CCDC30: variants seen among roughly 807,000 people sequenced by gnomAD.
CCDC30 encodes the protein coiled-coil domain-containing protein 30.
A neutral mutation model predicts 100.2 loss-of-function variants in CCDC30; 70 were observed. The ratio of observed to expected loss-of-function variants is 0.70; its 90% CI spans 0.58 to 0.85. The LOEUF (loss-of-function observed/expected upper bound fraction) is 0.85, where lower values mean the gene tolerates loss of function less well. Among genes scored for constraint, CCDC30 ranks in the 40% least tolerant of loss-of-function variants. The pLI is 0.00. For missense variants in CCDC30, 652 were observed against 771.2 expected, an observed-to-expected ratio of 0.85 and a Z score of 1.83; for synonymous variants, 233 against 269.5, an observed-to-expected ratio of 0.86 and a Z score of 1.33.
intron 10 of CCDC30, among the ~76,000 whole-genome samples, chr1:42,607,583 G>A (rs1448675755): frequency 2.0e-5 from 3 of 150,694 alleles, no homozygotes; most frequent in African/African-American, 7.3e-5. Flanking sequence ...AGAAAGGAAG[G>A]AAGAAAATCA....
chr1:42,491,891 G>A (rs1011605002), intron 4 of CCDC30: 1 of 453,126 alleles, frequency 2.2e-6, no homozygotes, highest in African/African-American at 2.0e-5. Flanking sequence ...TAGTCACCAG[G>A]ACTCGAGGAA....
At chr1:42,526,157 G>C (rs1644721380) in intron 6 of CCDC30, among the ~76,000 whole-genome samples, 1 of 152,132 alleles carries the variant, frequency 6.6e-6, no homozygotes, top group Admixed American at 6.5e-5. Flanking sequence ...ACTCTAGAAA[G>C]TATTTCAAGG....
chr1:42,547,926 G>T (rs181311591), intron 6 of CCDC30, among the ~76,000 whole-genome samples: 9 of 152,322 alleles, frequency 5.9e-5, no homozygotes, highest in East Asian at 1.9e-4. Flanking sequence ...AGTACTATGG[G>T]AACACAAAGC....
chr1:42,634,064 C>G (rs965521997), intron 11 of CCDC30, among the ~76,000 whole-genome samples: 1 of 152,018 alleles, frequency 6.6e-6, no homozygotes, highest in African/African-American at 2.4e-5. Context: ...TCAATTACCT[C>G]CCACCAGGTA....
rs575461966 is a variant in CCDC30 at position 42,609,508 on chromosome 1, A to G, written c.1165-1470A>G. ...CTCATGTTGTTCAGGGGTTAGGGGC[A>G]CTGATTAGTGTAACTCCCTACAAAT... is the stretch of plus-strand genomic sequence containing the variant. On this transcript the variant is annotated intron_variant, in intron 10 of 16. Coordinates refer to ENST00000668663, the Ensembl canonical transcript of CCDC30. 4.6e-5 allele frequency among the ~76,000 whole-genome samples: 7 copies of G among 152,254 alleles called. 1 individual carries two copies. The South Asian group carries it at 1.5e-3, about 32-fold the overall frequency.
At chr1:42,478,958 T>C (rs1643915047) in intron 1 of CCDC30, among the ~76,000 whole-genome samples, 1 of 152,138 alleles carries the variant, frequency 6.6e-6, no homozygotes, top group African/African-American at 2.4e-5. Flanking sequence ...ACTGACAAAC[T>C]GATTCTAAAG....
chr1:42,478,002 C>T (rs747749177), intron 1 of CCDC30, among the ~76,000 whole-genome samples: 3 of 152,172 alleles, frequency 2.0e-5, no homozygotes, highest in African/African-American at 2.4e-5. Context: ...TCAGGAACCA[C>T]GTCATGGTGA....
intron 6 of CCDC30, among the ~76,000 whole-genome samples, chr1:42,564,023 AG>A (rs1386270392): frequency 2.6e-5 from 4 of 152,202 alleles, no homozygotes; most frequent in African/African-American, 9.7e-5. Context: ...AAGAGTTAAC[AG>A]GACTTGAGGG....
downstream of CCDC30, chr1:42,654,571 C>T (rs1003743612): frequency 6.5e-6 from 1 of 152,894 alleles, no homozygotes; most frequent in African/African-American, 2.4e-5. Context: ...TGCCTGTAGT[C>T]CCAGCTACTC....
intron 11 of CCDC30, among the ~76,000 whole-genome samples, chr1:42,633,763 AGTT>A (rs1044665104): frequency 6.6e-6 from 1 of 152,188 alleles, no homozygotes; most frequent in African/African-American, 2.4e-5. Context: ...TTGTTTTAAA[AGTT>A]AACTGAGCAT....
intron 11 of CCDC30, among the ~76,000 whole-genome samples, chr1:42,627,403 T>A (rs1018639055): frequency 6.6e-6 from 1 of 152,168 alleles, no homozygotes; most frequent in Non-Finnish European, 1.5e-5. Context: ...AGACTGATGA[T>A]GCAATAGAAA....
At chr1:42,459,981 AACT>A, upstream of CCDC30, 4 of 1,517,164 alleles carry the variant, frequency 2.6e-6, no homozygotes, top group Non-Finnish European at 3.5e-6. Flanking sequence ...AGATGGTGAA[AACT>A]ACAAAAAAAA....
chr1:42,524,729 G>A (rs1281968983), intron 6 of CCDC30, among the ~76,000 whole-genome samples: 1 of 152,174 alleles, frequency 6.6e-6, no homozygotes, highest in Non-Finnish European at 1.5e-5. Flanking sequence ...CTGCTGCAGG[G>A]CTAAGAGCTT....
At chr1:42,551,690 T>G (rs1045992102) in intron 6 of CCDC30, among the ~76,000 whole-genome samples, 1 of 152,044 alleles carries the variant, frequency 6.6e-6, no homozygotes, top group East Asian at 1.9e-4. Context: ...AGCCTTCCTT[T>G]GGTTTCTAAG....
intron 9 of CCDC30, among the ~76,000 whole-genome samples, chr1:42,582,050 T>G (rs999179151): frequency 1.4e-5 from 2 of 144,170 alleles, no homozygotes; most frequent in Non-Finnish European, 3.0e-5. Flanking sequence ...AGTGAGTCTT[T>G]GTCTATACCA....
chr1:42,553,622 C>T (rs1300887235), intron 6 of CCDC30, among the ~76,000 whole-genome samples: 2 of 150,176 alleles, frequency 1.3e-5, no homozygotes, highest in Non-Finnish European at 3.0e-5. Context: ...CCCCACTGCA[C>T]TCTAGCCTGG....
chr1:42,562,554 T>C (rs551178552), intron 6 of CCDC30, among the ~76,000 whole-genome samples: 25 of 152,262 alleles, frequency 1.6e-4, no homozygotes, highest in Middle Eastern at 3.4e-3. Flanking sequence ...GGGCAAAGAC[T>C]TCATGACAAA....
At chr1:42,598,649 T>G (rs1646340617) in intron 10 of CCDC30, among the ~76,000 whole-genome samples, 1 of 152,024 alleles carries the variant, frequency 6.6e-6, no homozygotes, top group Non-Finnish European at 1.5e-5. Flanking sequence ...CAAATTATAT[T>G]AATAATCACT....
chr1:42,585,537 C>A (rs1317235663), intron 9 of CCDC30, among the ~76,000 whole-genome samples: 1 of 151,920 alleles, frequency 6.6e-6, no homozygotes, highest in African/African-American at 2.4e-5. Flanking sequence ...TGTTTTCAAT[C>A]CCATTGATTA....
Sources: gnomAD v4.1 joint callset for allele counts (sites outside exome capture counted in the v4.1 genomes callset) on GRCh38, gnomAD v4.1.1 for gene constraint, MANE v1.5 for transcripts, NCBI Gene and HGNC (gene_info 2026-07-23, HGNC 2026-07-21) for gene names.